Variants in COL21A1 observed in about 807,000 individuals in gnomAD.
COL21A1 encodes the protein collagen type XXI alpha 1 chain.
COL21A1 carries 149 observed loss-of-function variants against 137.9 expected under a neutral mutation model. The observed-to-expected ratio is 1.08, with a 90% CI of 0.95 to 1.24. The LOEUF (loss-of-function observed/expected upper bound fraction) is 1.24. Among genes scored for constraint, COL21A1 ranks in the 50% most tolerant of loss-of-function variants. COL21A1 has a pLI of 0.00. For missense variants in COL21A1, 1,167 were observed against 1,158.4 expected, an observed-to-expected ratio of 1.01 and a Z score of -0.11; for synonymous variants, 456 against 391.5, an observed-to-expected ratio of 1.16 and a Z score of -1.95.
intron 12 of COL21A1, among the ~76,000 whole-genome samples, chr6:56,135,596 C>T (rs553617975): frequency 1.3e-4 from 20 of 152,126 alleles, no homozygotes; most frequent in African/African-American, 2.9e-4. Context: ...ATTTCACTTC[C>T]GAGGACTTTT....
Position 56,238,969 on chromosome 6 carries a change from G to A in COL21A1, c.-39+8418C>T, listed in dbSNP as rs60285429. The stretch of plus-strand genomic sequence containing the variant: ...AACCTTCTGACCATACTATGAAGTA[G>A]GTCCTCTGAATACACACTTGACACA... On this transcript the variant is annotated intron_variant, in intron 1 of 29. Coordinates refer to ENST00000244728, the MANE Select transcript of COL21A1 (RefSeq NM_030820.4). 7.4e-3 allele frequency among the ~76,000 whole-genome samples: 1,120 copies of A among 152,212 alleles called. 16 individuals carry two copies. Among genetic ancestry groups the A allele is most frequent in the African/African-American group, 0.025 (1,050 of 41,532 alleles).
intron 17 of COL21A1, among the ~76,000 whole-genome samples, chr6:56,081,110 G>T (rs1410845229): frequency 6.6e-6 from 1 of 151,808 alleles, no homozygotes; most frequent in Non-Finnish European, 1.5e-5. Flanking sequence ...GTGCTGGCAT[G>T]ACAATGAACA....
intron 16 of COL21A1, among the ~76,000 whole-genome samples, chr6:56,111,341 T>C (rs1012784251): frequency 4.6e-5 from 7 of 152,180 alleles, no homozygotes; most frequent in Non-Finnish European, 7.3e-5. Flanking sequence ...AAATGTAATG[T>C]GGTATCCTGG....
At chr6:56,386,492 A>G (rs949602478) in intron 1 of COL21A1, among the ~76,000 whole-genome samples, 12 of 152,088 alleles carry the variant, frequency 7.9e-5, no homozygotes, top group Non-Finnish European at 1.8e-4. Context: ...AGTTCTTTTT[A>G]AGAAACCCCC....
chr6:56,120,799 T>TAA (rs34706290), intron 16 of COL21A1, among the ~76,000 whole-genome samples: 7 of 136,338 alleles, frequency 5.1e-5, no homozygotes, highest in African/African-American at 8.1e-5. Flanking sequence ...TGTCTCAATT[T>TAA]AAAAAAAAAA....
At chr6:56,129,011 C>G (rs1030856208) in intron 12 of COL21A1, among the ~76,000 whole-genome samples, 3 of 152,142 alleles carry the variant, frequency 2.0e-5, no homozygotes, top group Admixed American at 1.3e-4. Context: ...GGCTAGAGAC[C>G]CTCAGCTTTC....
chr6:56,098,004 A>AAT (rs1230108178), intron 17 of COL21A1, among the ~76,000 whole-genome samples: 4 of 35,372 alleles, frequency 1.1e-4, no homozygotes, highest in South Asian at 8.5e-4. Flanking sequence ...TAAATATATA[A>AAT]ATATATAAAT....
chr6:56,061,087 T>C, intron 25 of COL21A1, 50 bp from the exon 26 acceptor site: 1 of 1,479,202 alleles, frequency 6.8e-7, no homozygotes, highest in Non-Finnish European at 9.1e-7. Flanking sequence ...TTTCAGGAGG[T>C]ATAATTGCAT....
In COL21A1 at chr6:56,070,807, A is replaced by G; in HGVS notation, c.1966-9T>C. ...GGTTCACCTTTGCTTCCCTGTCAAC[A>G]CATCAAAAACATTGGAGTTTTTTAA... is the stretch of plus-strand genomic sequence containing the variant. On this transcript the variant is annotated splice_polypyrimidine_tract_variant and intron_variant, in intron 20 of 29. Transcript: ENST00000244728. The G allele has an allele frequency of 6.3e-7, 1 of 1,588,550 alleles. No homozygotes were observed. The highest frequency in any genetic ancestry group is 8.5e-7 in the Non-Finnish European group (1 of 1,169,992).
chr6:56,314,125 C>T (rs930933139), intron 1 of COL21A1, among the ~76,000 whole-genome samples: 1 of 152,138 alleles, frequency 6.6e-6, no homozygotes, highest in South Asian at 2.1e-4. Context: ...GCTGGGACTA[C>T]AGGCACGCAC....
At chr6:56,258,016 C>T (rs1763154665) in intron 1 of COL21A1, among the ~76,000 whole-genome samples, 1 of 151,876 alleles carries the variant, frequency 6.6e-6, no homozygotes, top group South Asian at 2.1e-4. Context: ...TTCTTTTATT[C>T]TTAATGTTTT....
intron 1 of COL21A1, among the ~76,000 whole-genome samples, chr6:56,285,007 A>G (rs1014657429): frequency 6.6e-6 from 1 of 152,172 alleles, no homozygotes; most frequent in Admixed American, 6.5e-5. Context: ...AGAGCCACTT[A>G]TCTAGTCTCT....
intron 1 of COL21A1, among the ~76,000 whole-genome samples, chr6:56,272,993 T>C (rs4427001): frequency 0.89 from 135,207 of 152,186 alleles, 60,194 homozygotes; most frequent in African/African-American, 0.93. Flanking sequence ...TAAAGCAAAT[T>C]TCAACAGATT....
chr6:56,113,815 G>A (rs555839783), intron 16 of COL21A1, among the ~76,000 whole-genome samples: 1 of 152,200 alleles, frequency 6.6e-6, no homozygotes, highest in Admixed American at 6.5e-5. Flanking sequence ...ACCTGCCTTG[G>A]GCCACAGGGG....
intron 1 of COL21A1, among the ~76,000 whole-genome samples, chr6:56,253,856 CA>C (rs1782911101): frequency 2.0e-5 from 3 of 152,018 alleles, no homozygotes; most frequent in African/African-American, 7.2e-5. Context: ...CTTAAAAGTC[CA>C]AAACCTCAAG....
intron 20 of COL21A1, 26 bp from the exon 21 acceptor site, chr6:56,070,824 G>A (rs778945402): frequency 1.3e-6 from 2 of 1,561,680 alleles, no homozygotes; most frequent in South Asian, 2.4e-5. Context: ...AAACATTGGA[G>A]TTTTTTAAAA....
chr6:56,152,931 G>T (rs386431240), intron 10 of COL21A1, among the ~76,000 whole-genome samples: 239 of 152,270 alleles, frequency 1.6e-3, no homozygotes, highest in Non-Finnish European at 2.9e-3. Flanking sequence ...AAAGGGGTCT[G>T]CAGGCTAAGG....
Position 56,332,526 on chromosome 6 carries a change from G to A in COL21A1, c.-39+61445C>T, listed in dbSNP as rs1765251229. ...ATATTTTCTTTGAATAGATTACTATGGTATGGAATTTATGTCTCAAAGGAT... is the reference window on the plus strand; with the variant it reads ...ATATTTTCTTTGAATAGATTACTATAGTATGGAATTTATGTCTCAAAGGAT... On this transcript the variant is annotated intron_variant, in intron 1 of 28. Coordinates refer to the COL21A1 transcript ENST00000370819. Among the ~76,000 whole-genome samples the A allele has an allele frequency of 1.3e-5, 2 of 150,032 alleles. 1 individual carries two copies. The highest frequency in any genetic ancestry group is 4.2e-4 in the South Asian group (2 of 4,750).
At chr6:56,359,152 C>T (rs1269023664) in intron 1 of COL21A1, among the ~76,000 whole-genome samples, 1 of 152,140 alleles carries the variant, frequency 6.6e-6, no homozygotes, top group Non-Finnish European at 1.5e-5. Flanking sequence ...ACCAAAATTA[C>T]TCTGTGGAAG....
Sources: gnomAD v4.1 joint callset for allele counts (sites outside exome capture counted in the v4.1 genomes callset) on GRCh38, gnomAD v4.1.1 for gene constraint, MANE v1.5 for transcripts, NCBI Gene and HGNC (gene_info 2026-07-23, HGNC 2026-07-21) for gene names.